PTPRK: variants seen among roughly 807,000 people sequenced by gnomAD.
PTPRK encodes receptor-type tyrosine-protein phosphatase kappa.
A neutral mutation model predicts 178.0 loss-of-function variants in PTPRK; 75 were observed. The ratio of observed to expected loss-of-function variants is 0.42; its 90% CI spans 0.35 to 0.51. The LOEUF is 0.51. Among genes scored for constraint, PTPRK ranks in the 20% least tolerant of loss-of-function variants. PTPRK has a pLI of 0.02. For synonymous variants in PTPRK, 637 were observed against 620.6 expected, an observed-to-expected ratio of 1.03 and a Z score of -0.39; for missense variants, 1,441 against 1,797.8, an observed-to-expected ratio of 0.80 and a Z score of 3.59.
chr6:128,413,968 A>G (rs1842577953), intron 1 of PTPRK, among the ~76,000 whole-genome samples: 1 of 152,174 alleles, frequency 6.6e-6, no homozygotes, highest in Admixed American at 6.5e-5. Flanking sequence ...AAATCACTAA[A>G]AGAAAAGAGA....
At chr6:128,343,656 C>T (rs138503685) in intron 2 of PTPRK, among the ~76,000 whole-genome samples, 251 of 152,100 alleles carry the variant, frequency 1.7e-3, no homozygotes, top group Non-Finnish European at 2.7e-3. Flanking sequence ...AACTCTATAG[C>T]ACAGTTAAAG....
chr6:128,167,234 A>G (rs1017334401), intron 7 of PTPRK, among the ~76,000 whole-genome samples: 1 of 151,922 alleles, frequency 6.6e-6, no homozygotes, highest in Non-Finnish European at 1.5e-5. Context: ...TCCAATTTTA[A>G]TAGTTAAGAT....
chr6:128,250,098 T>A (rs915178662), intron 3 of PTPRK, among the ~76,000 whole-genome samples: 6 of 152,210 alleles, frequency 3.9e-5, no homozygotes, highest in Non-Finnish European at 5.9e-5. Flanking sequence ...CCAAGGCACA[T>A]AAGAAGTGCC....
chr6:128,107,577 T>C (rs891706181), intron 7 of PTPRK, among the ~76,000 whole-genome samples: 1 of 152,192 alleles, frequency 6.6e-6, no homozygotes, highest in Non-Finnish European at 1.5e-5. Flanking sequence ...AAAAAACATA[T>C]AATTTTAAGT....
intron 2 of PTPRK, among the ~76,000 whole-genome samples, chr6:128,394,051 C>T (rs2128366579): frequency 6.6e-6 from 1 of 152,234 alleles, no homozygotes; most frequent in African/African-American, 2.4e-5. Flanking sequence ...AAATAATATG[C>T]TGATTTCTAA....
chr6:128,066,661 T>C (rs1466594708), intron 12 of PTPRK, among the ~76,000 whole-genome samples: 3 of 151,974 alleles, frequency 2.0e-5, no homozygotes, highest in African/African-American at 7.3e-5. Flanking sequence ...TGTGAAAATT[T>C]CTATCCTCAA....
chr6:128,185,652 A>AT (rs1320223822), intron 6 of PTPRK, among the ~76,000 whole-genome samples: 1 of 152,126 alleles, frequency 6.6e-6, no homozygotes, highest in Non-Finnish European at 1.5e-5. Context: ...TAAAGTAGTA[A>AT]TTGCTCAAAA....
chr6:128,136,640 T>C (rs954101173), intron 7 of PTPRK, among the ~76,000 whole-genome samples: 1 of 152,176 alleles, frequency 6.6e-6, no homozygotes, highest in Non-Finnish European at 1.5e-5. Flanking sequence ...GTAGATGCAG[T>C]TGTATTTTCA....
chr6:128,500,780 G>A (rs142269645), intron 1 of PTPRK: 1 of 152,234 alleles, frequency 6.6e-6, no homozygotes, highest in East Asian at 1.9e-4. Flanking sequence ...ATTTTGTTTT[G>A]CACAGTCTGA....
chr6:128,504,113 C>T (rs571259898), intron 1 of PTPRK, among the ~76,000 whole-genome samples: 1 of 152,100 alleles, frequency 6.6e-6, no homozygotes, highest in South Asian at 2.1e-4. Context: ...ACATAAAAGA[C>T]AACACGTGAT....
At chr6:128,504,496 G>T (rs960782006) in intron 1 of PTPRK, among the ~76,000 whole-genome samples, 1 of 152,098 alleles carries the variant, frequency 6.6e-6, no homozygotes, top group Admixed American at 6.6e-5. Flanking sequence ...GAACTTCAAA[G>T]GATTGCCCTA....
At position 128,322,282 on chromosome 6, in the gene PTPRK, A is replaced by G. The variant is rs774764234; in HGVS notation, c.252T>C (p.Asp84=). The change falls in exon 3 of 30, where the codon GAT becomes GAC. Residue 84 remains aspartate, a synonymous_variant. Transcript: ENST00000368226. ...GTCTGGCTTTTTCTCCAGGGTCGTG[A>G]TCTGAAGAGTCCACTATCATATAGG... is the stretch of plus-strand genomic sequence containing the variant. ...QGSYMIVDSS[D]HDPGEKARLQ... is the part of the protein sequence containing the mutation. 4 of 1,598,096 alleles carry G rather than the reference A, an allele frequency of 2.5e-6. No individual in the cohort carries two copies. Among genetic ancestry groups the G allele is most frequent in the Non-Finnish European group, 3.4e-6 (4 of 1,165,572 alleles).
chr6:127,986,690 C>T (rs1375422763), intron 21 of PTPRK, among the ~76,000 whole-genome samples: 2 of 152,004 alleles, frequency 1.3e-5, no homozygotes, highest in African/African-American at 2.4e-5. Flanking sequence ...GAAAAAAAAT[C>T]CCACTATAAT....
At chr6:128,002,772 T>C (rs1321768350) in intron 15 of PTPRK, among the ~76,000 whole-genome samples, 3 of 151,936 alleles carry the variant, frequency 2.0e-5, no homozygotes, top group Non-Finnish European at 4.4e-5. Flanking sequence ...AATCCTAATA[T>C]TTACTTGTAA....
chr6:128,036,711 C>G (rs563902132), intron 13 of PTPRK, among the ~76,000 whole-genome samples: 1 of 150,302 alleles, frequency 6.7e-6, no homozygotes, highest in East Asian at 1.9e-4. Context: ...TGAAAATAAA[C>G]GAACTGATTT....
chr6:128,212,481 T>C (rs534631389), intron 6 of PTPRK, among the ~76,000 whole-genome samples: 14 of 152,122 alleles, frequency 9.2e-5, no homozygotes, highest in African/African-American at 1.4e-4. Flanking sequence ...ATGTAGTAGA[T>C]AGGAGTCCCT....
chr6:128,303,394 T>C (rs1054776721), intron 3 of PTPRK, among the ~76,000 whole-genome samples: 1 of 152,222 alleles, frequency 6.6e-6, no homozygotes, highest in African/African-American at 2.4e-5. Flanking sequence ...TGTCAGTCTA[T>C]GAGAAGCCCT....
chr6:128,309,836 C>T (rs1826969283), intron 3 of PTPRK, among the ~76,000 whole-genome samples: 1 of 152,048 alleles, frequency 6.6e-6, no homozygotes, highest in South Asian at 2.1e-4. Flanking sequence ...CCAATTCTCC[C>T]TGGTACCAGT....
chr6:128,255,664 G>C (rs1174079612), intron 3 of PTPRK, among the ~76,000 whole-genome samples: 1 of 152,164 alleles, frequency 6.6e-6, no homozygotes, highest in Non-Finnish European at 1.5e-5. Context: ...GAAAAATACT[G>C]GTAAGACAGA....
Sources: allele counts gnomAD v4.1 joint callset (sites outside exome capture counted in the v4.1 genomes callset), GRCh38; gene constraint gnomAD v4.1.1; transcripts MANE v1.5; gene names NCBI Gene and HGNC (gene_info 2026-07-23, HGNC 2026-07-21).